DMD: variants seen among roughly 807,000 people sequenced by gnomAD.
The protein encoded by DMD is mutant dystrophin.
In DMD, 63 loss-of-function variants were observed where a neutral mutation model predicts 330.1. The ratio of observed to expected loss-of-function variants is 0.19; its 90% CI spans 0.16 to 0.24. DMD has a LOEUF of 0.24. Among genes scored for constraint, DMD ranks in the 10% least tolerant of loss-of-function variants. DMD has a pLI of 1.00. For missense variants in DMD, 3,344 were observed against 2,684.1 expected, an observed-to-expected ratio of 1.25 and a Z score of -5.43; for synonymous variants, 1,223 against 959.8, an observed-to-expected ratio of 1.27 and a Z score of -5.07.
chrX:31,573,821 AC>A (rs751125280), intron 55 of DMD, among the ~76,000 whole-genome samples: 14 of 111,449 alleles, frequency 1.3e-4, no homozygotes, highest in Non-Finnish European at 2.6e-4. Context: ...GGAGGATAGA[AC>A]CAATTCCCCC....
chrX:32,338,954 C>T (rs1482917197), intron 41 of DMD, among the ~76,000 whole-genome samples: 7 of 112,010 alleles, frequency 6.2e-5, no homozygotes, highest in Non-Finnish European at 5.6e-5. Context: ...CTGTTGTTAA[C>T]ATTTTAAACA....
At chrX:31,812,966 T>C (rs765380912) in intron 50 of DMD, among the ~76,000 whole-genome samples, 2 of 112,252 alleles carry the variant, frequency 1.8e-5, no homozygotes, top group African/African-American at 3.2e-5. Context: ...AATAATTCAA[T>C]TGGGAGCTGA....
chrX:32,731,123 C>A (rs775199330), intron 7 of DMD, among the ~76,000 whole-genome samples: 3 of 112,009 alleles, frequency 2.7e-5, no homozygotes, highest in African/African-American at 9.7e-5. Flanking sequence ...CAGGGAGTTC[C>A]CTTTCCTAGT....
intron 51 of DMD, among the ~76,000 whole-genome samples, chrX:31,764,494 C>T (rs1472421154): frequency 9.0e-6 from 1 of 111,691 alleles, no homozygotes; most frequent in Non-Finnish European, 1.9e-5. Flanking sequence ...CTACAATCTA[C>T]TTCTTTCACA....
intron 7 of DMD, among the ~76,000 whole-genome samples, chrX:32,764,628 T>A (rs1569513835): frequency 8.9e-6 from 1 of 112,155 alleles, no homozygotes; most frequent in Non-Finnish European, 1.9e-5. Flanking sequence ...CAGAACTTTC[T>A]TAAGGCTGAA....
At chrX:32,985,711 G>A (rs1602419794) in intron 2 of DMD, among the ~76,000 whole-genome samples, 1 of 111,920 alleles carries the variant, frequency 8.9e-6, no homozygotes, top group Non-Finnish European at 1.9e-5. Context: ...AGTTGCTGTG[G>A]AAAAACCAGA....
At chrX:31,280,678 A>G (rs745953194) in intron 62 of DMD, among the ~76,000 whole-genome samples, 1 of 112,689 alleles carries the variant, frequency 8.9e-6, no homozygotes, top group Non-Finnish European at 1.9e-5. Context: ...AATGCATACA[A>G]CTGCACAAAG....
At chrX:32,937,564 G>T (rs1318516210) in intron 2 of DMD, among the ~76,000 whole-genome samples, 1 of 105,873 alleles carries the variant, frequency 9.4e-6, no homozygotes, top group East Asian at 2.9e-4. Flanking sequence ...AAAGCCTGAG[G>T]ATAACATACT....
chrX:32,390,677 TTTTA>T (rs2097995451), intron 30 of DMD, among the ~76,000 whole-genome samples: 1 of 107,618 alleles, frequency 9.3e-6, no homozygotes, highest in Non-Finnish European at 1.9e-5. Flanking sequence ...ATTACCTTCT[TTTTA>T]TTTTATTTTA....
At chrX:33,006,465 C>T (rs750235013) in intron 2 of DMD, among the ~76,000 whole-genome samples, 2 of 111,772 alleles carry the variant, frequency 1.8e-5, no homozygotes, top group South Asian at 3.7e-4. Flanking sequence ...CTTTGACAAA[C>T]GAGCAATGGC....
At chrX:32,729,774 G>C (rs985981567) in intron 7 of DMD, among the ~76,000 whole-genome samples, 1 of 111,642 alleles carries the variant, frequency 9.0e-6, no homozygotes, top group Non-Finnish European at 1.9e-5. Flanking sequence ...TTAAATATGT[G>C]TGTTATTCTT....
At chrX:33,116,631 G>A (rs2095387211) in intron 1 of DMD, among the ~76,000 whole-genome samples, 1 of 111,847 alleles carries the variant, frequency 8.9e-6, no homozygotes, top group South Asian at 3.7e-4. Context: ...CAATTATGTC[G>A]ATAACTGGGT....
At chrX:31,258,676 G>C (rs899792426) in intron 63 of DMD, among the ~76,000 whole-genome samples, 3 of 111,902 alleles carry the variant, frequency 2.7e-5, no homozygotes, top group African/African-American at 9.7e-5. Context: ...ATTCAAAATT[G>C]AGTGATGTCA....
chrX:31,882,416 G>GTA (rs1160463202), intron 47 of DMD, among the ~76,000 whole-genome samples: 1 of 110,951 alleles, frequency 9.0e-6, no homozygotes, highest in Non-Finnish European at 1.9e-5. Flanking sequence ...AGACCTCAAT[G>GTA]TAAAAGGCAA....
intron 1 of DMD, among the ~76,000 whole-genome samples, chrX:33,075,346 C>T (rs985456116): frequency 1.8e-5 from 2 of 111,481 alleles, no homozygotes; most frequent in African/African-American, 6.5e-5. Flanking sequence ...ATCTTGAAAA[C>T]CCTAGCCTCA....
rs1173004847 is a variant in DMD, at chrX:32,394,911, A to AAACAAAAACAAAAC, written c.4234-4731_4234-4730insGTTTTGTTTTTGTT. On this transcript the variant is annotated intron_variant, in intron 30 of 78. Coordinates refer to ENST00000357033, the MANE Select transcript of DMD (RefSeq NM_004006.3). ...GTGGTCAAAGAAGAGCAAAAAACAA[A>AAACAAAAACAAAAC]AAAACAAAAAAAAAAAAAAAAAGAA... Among the ~76,000 whole-genome samples the AAACAAAAACAAAAC allele has an allele frequency of 3.1e-3, 162 of 51,458 alleles. 5 individuals carry two copies. The highest frequency in any genetic ancestry group is 7.4e-3 in the East Asian group (10 of 1,356). 44.7% of individuals were successfully genotyped at this position (51,458 alleles called of 115,157 possible).
intron 44 of DMD, among the ~76,000 whole-genome samples, chrX:31,976,148 C>T (rs750375768): frequency 5.4e-5 from 6 of 110,219 alleles, no homozygotes; most frequent in South Asian, 3.8e-4. Flanking sequence ...GAAAGATGGT[C>T]GCTTGGATTG....
At chrX:32,870,020 T>C (rs2082821248) in intron 2 of DMD, among the ~76,000 whole-genome samples, 1 of 111,292 alleles carries the variant, frequency 9.0e-6, no homozygotes, top group Admixed American at 9.6e-5. Context: ...GAAGTCAAAC[T>C]GTCTCTTCTG....
intron 50 of DMD, among the ~76,000 whole-genome samples, chrX:31,806,238 C>T (rs1013997044): frequency 2.7e-5 from 3 of 111,550 alleles, no homozygotes; most frequent in Admixed American, 9.6e-5. Flanking sequence ...TGCCTCAAAT[C>T]GTGTCTTCCA....
Sources: gnomAD v4.1 joint callset for allele counts (sites outside exome capture counted in the v4.1 genomes callset) on GRCh38, gnomAD v4.1.1 for gene constraint, MANE v1.5 for transcripts, NCBI Gene and HGNC (gene_info 2026-07-23, HGNC 2026-07-21) for gene names.